SCFD1: variants seen among roughly 807,000 people sequenced by gnomAD.
The protein encoded by SCFD1 is sec1 family domain containing 1.
A neutral mutation model predicts 103.2 loss-of-function variants in SCFD1; 37 were observed. That is an observed-to-expected ratio of 0.36 (90% confidence interval 0.28 to 0.47). The LOEUF (loss-of-function observed/expected upper bound fraction) is 0.47. SCFD1 is among the 20% of genes least tolerant of loss of function. The pLI is 1.00. For missense variants in SCFD1, 639 were observed against 761.2 expected (o/e 0.84, Z 1.89); for synonymous variants, 264 against 245.0 (o/e 1.08, Z -0.73).
At chr14:30,707,894 C>T in intron 18 of SCFD1, 96 bp from the exon 19 acceptor site, 1 of 861,192 alleles carries the variant, frequency 1.2e-6, no homozygotes, top group Non-Finnish European at 2.0e-6. Context: ...CAGCGAGCAT[C>T]AGCATGTGGT....
chr14:30,732,969 A>G (rs1448323864), intron 23 of SCFD1, among the ~76,000 whole-genome samples: 3 of 151,932 alleles, frequency 2.0e-5, no homozygotes, highest in Non-Finnish European at 2.9e-5. Flanking sequence ...TTTACATTGA[A>G]TCAATATACT....
At chr14:30,717,883 CAAA>C (rs1161921301) in intron 20 of SCFD1, among the ~76,000 whole-genome samples, 3 of 101,638 alleles carry the variant, frequency 3.0e-5, no homozygotes, top group African/African-American at 1.2e-4. Context: ...GACTCTGCCT[CAAA>C]AAAAAGAAAA....
chr14:30,636,298 G>C (rs1027244316), intron 4 of SCFD1, among the ~76,000 whole-genome samples: 1 of 150,324 alleles, frequency 6.7e-6, no homozygotes, highest in Non-Finnish European at 1.5e-5. Flanking sequence ...TTATGCTTTT[G>C]GTGTCATATT....
At chr14:30,670,134 G>T in intron 10 of SCFD1, 122 bp from the exon 11 acceptor site, 1 of 713,326 alleles carries the variant, frequency 1.4e-6, no homozygotes, top group South Asian at 2.0e-5. Flanking sequence ...CAAAAGATTG[G>T]GAGGAGATGT....
At chr14:30,648,172 CAA>C (rs1886037906) in intron 7 of SCFD1, among the ~76,000 whole-genome samples, 1 of 152,112 alleles carries the variant, frequency 6.6e-6, no homozygotes, top group African/African-American at 2.4e-5. Flanking sequence ...GGGCTGGAAT[CAA>C]GAGGGTTACG....
At chr14:30,698,014 TA>T (rs113330083) in intron 15 of SCFD1, among the ~76,000 whole-genome samples, 5,487 of 152,320 alleles carry the variant, frequency 0.036, 152 homozygotes, top group African/African-American at 0.061. Context: ...GTGCCAGTGT[TA>T]ATATCACATT....
intron 17 of SCFD1, among the ~76,000 whole-genome samples, chr14:30,703,828 A>G (rs769183620): frequency 6.8e-6 from 1 of 147,552 alleles, no homozygotes; most frequent in Non-Finnish European, 1.5e-5. Flanking sequence ...TTTTTATAAT[A>G]CAGGTTGAAT....
chr14:30,699,140 C>G (rs34346578), intron 15 of SCFD1, among the ~76,000 whole-genome samples: 13,750 of 152,082 alleles, frequency 0.09, 848 homozygotes, highest in African/African-American at 0.17. Context: ...TCCAAATGCC[C>G]CAAATACAAT....
intron 14 of SCFD1, chr14:30,683,605 G>T (rs550816477): frequency 2.0e-4 from 55 of 272,116 alleles, no homozygotes; most frequent in Middle Eastern, 1.5e-3. Flanking sequence ...CCATCCAGGC[G>T]GTGCTGGCAG....
chr14:30,658,741 G>A (rs1887153232), intron 10 of SCFD1, among the ~76,000 whole-genome samples: 5 of 152,110 alleles, frequency 3.3e-5, no homozygotes, highest in Admixed American at 2.6e-4. Context: ...AAGCACTTCA[G>A]GAACACCTAT....
intron 19 of SCFD1, among the ~76,000 whole-genome samples, chr14:30,710,674 A>G (rs904888873): frequency 6.6e-6 from 1 of 152,276 alleles, no homozygotes; most frequent in East Asian, 1.9e-4. Flanking sequence ...TCGAGTAAAG[A>G]GTCTCTAGAA....
Position 30,710,332 on chromosome 14 carries a change from TAAAAA to T in SCFD1, c.1629+2286_1629+2290del, listed in dbSNP as rs397853428. 2.8e-4 allele frequency among the ~76,000 whole-genome samples: 23 copies of T among 82,026 alleles called. No homozygotes were observed. In the East Asian group the frequency reaches 4.1e-3, roughly 15 times the overall value. 53.8% of individuals were successfully genotyped at this position (82,026 alleles called of 152,430 possible). On this transcript the variant is annotated intron_variant, in intron 19 of 24. Transcript: ENST00000458591. ...ACCACTACCAGAAGAGCCATGTCAT[TAAAAA>T]AAAAAAAAAAAAAAAAAAGTTCAGA...
chr14:30,659,726 T>TTAAG (rs1246602040), intron 10 of SCFD1, among the ~76,000 whole-genome samples: 1 of 152,168 alleles, frequency 6.6e-6, no homozygotes, highest in Non-Finnish European at 1.5e-5. Context: ...GTTGTGCTAC[T>TTAAG]TAGTCTAACC....
intron 10 of SCFD1, among the ~76,000 whole-genome samples, chr14:30,660,581 C>T (rs1364989831): frequency 6.6e-6 from 1 of 151,968 alleles, no homozygotes; most frequent in Non-Finnish European, 1.5e-5. Context: ...TTCTGTTATT[C>T]CTCCTCCATC....
chr14:30,717,290 A>T (rs968428165), intron 20 of SCFD1, among the ~76,000 whole-genome samples: 7 of 152,166 alleles, frequency 4.6e-5, no homozygotes, highest in Non-Finnish European at 7.4e-5. Flanking sequence ...AGCCTAGGCC[A>T]TGTGGTGAAA....
chr14:30,641,162 T>C (rs1359060570), intron 6 of SCFD1, among the ~76,000 whole-genome samples: 2 of 152,200 alleles, frequency 1.3e-5, no homozygotes, highest in African/African-American at 4.8e-5. Flanking sequence ...CATTATGTAA[T>C]CATATACCTA....
At chr14:30,674,766 A>G (rs1388743205) in intron 13 of SCFD1, among the ~76,000 whole-genome samples, 1 of 152,236 alleles carries the variant, frequency 6.6e-6, no homozygotes, top group Non-Finnish European at 1.5e-5. Context: ...AAATAATGAT[A>G]TTTGGGAGCC....
chr14:30,674,052 T>TA, intron 13 of SCFD1, 55 bp downstream of exon 13: 2 of 1,282,746 alleles, frequency 1.6e-6, no homozygotes, highest in Non-Finnish European at 2.2e-6. Context: ...ATTTTTTTTT[T>TA]ATTTAACTAA....
At position 30,628,189 on chromosome 14, in the gene SCFD1, A is replaced by G; in HGVS notation, c.62-20A>G. 2 of 1,578,388 alleles carry G rather than the reference A, an allele frequency of 1.3e-6. 1 individual carries two copies. Among genetic ancestry groups the G allele is most frequent in the South Asian group, 2.3e-5 (2 of 87,868 alleles). On this transcript the variant is annotated intron_variant, in intron 1 of 24. Transcript: ENST00000458591. ...TCCTAAAAAACAATGACAATATTTG[A>G]TAAAACTTTTTATTTTCAGTGGCTT...
Sources: gnomAD v4.1 joint callset for allele counts (sites outside exome capture counted in the v4.1 genomes callset) on GRCh38, gnomAD v4.1.1 for gene constraint, MANE v1.5 for transcripts, NCBI Gene and HGNC (gene_info 2026-07-23, HGNC 2026-07-21) for gene names.